Variants in RNF150 observed in about 807,000 individuals in gnomAD.
RNF150 encodes ring finger protein 150.
A neutral mutation model predicts 39.3 loss-of-function variants in RNF150; 24 were observed. The ratio of observed to expected loss-of-function variants is 0.61; its 90% confidence interval spans 0.44 to 0.86. The LOEUF (loss-of-function observed/expected upper bound fraction) is 0.86, where lower values mean the gene tolerates loss of function less well. RNF150 is among the 40% of genes least tolerant of loss of function. RNF150 has a pLI of 0.00. For missense variants in RNF150, 502 were observed against 587.8 expected (o/e 0.85, Z 1.51); for synonymous variants, 255 against 227.3 (o/e 1.12, Z -1.10).
At chr4:141,011,405 C>T (rs928544135) in intron 1 of RNF150, among the ~76,000 whole-genome samples, 5 of 152,170 alleles carry the variant, frequency 3.3e-5, no homozygotes, top group Non-Finnish European at 7.4e-5. Context: ...AGATTCTTCT[C>T]CTCAATAGTT....
intron 4 of RNF150, among the ~76,000 whole-genome samples, chr4:140,940,012 CT>C (rs1732021766): frequency 6.6e-6 from 1 of 152,158 alleles, no homozygotes; most frequent in Admixed American, 6.5e-5. Flanking sequence ...AGGCAGATCC[CT>C]CTTAACCATG....
chr4:141,028,680 CTG>C (rs1329807539), intron 1 of RNF150, among the ~76,000 whole-genome samples: 3 of 152,130 alleles, frequency 2.0e-5, no homozygotes, highest in African/African-American at 7.2e-5. Flanking sequence ...CAAGCAAGAA[CTG>C]TTGAGTATTT....
intron 1 of RNF150, among the ~76,000 whole-genome samples, chr4:141,103,161 T>G (rs544508883): frequency 1.3e-5 from 2 of 152,176 alleles, no homozygotes; most frequent in Non-Finnish European, 2.9e-5. Flanking sequence ...ACATGAGAGA[T>G]AAAGACTGCT....
chr4:140,893,188 T>A (rs899404283), intron 6 of RNF150, among the ~76,000 whole-genome samples: 7 of 151,814 alleles, frequency 4.6e-5, no homozygotes, highest in African/African-American at 1.4e-4. Flanking sequence ...CCTTATTTCA[T>A]TATTTAAATA....
chr4:141,106,717 C>G (rs1014497467), intron 1 of RNF150, among the ~76,000 whole-genome samples: 102 of 152,112 alleles, frequency 6.7e-4, no homozygotes, highest in African/African-American at 2.3e-3. Context: ...TTGCTTGAAC[C>G]CGGGAGGCGG....
intron 4 of RNF150, among the ~76,000 whole-genome samples, chr4:140,931,587 G>A (rs550830222): frequency 6.6e-6 from 1 of 152,254 alleles, no homozygotes; most frequent in East Asian, 1.9e-4. Context: ...TTTTTTATAG[G>A]ATTCACAGGA....
At chr4:140,968,001 G>T in intron 1 of RNF150, 128 bp from the exon 2 acceptor site, 1 of 786,308 alleles carries the variant, frequency 1.3e-6, no homozygotes, top group Non-Finnish European at 2.0e-6. Context: ...TCTGTGCTGG[G>T]CTAAGAAGAC....
intron 2 of RNF150, among the ~76,000 whole-genome samples, chr4:140,951,367 T>C (rs1348658053): frequency 6.6e-6 from 1 of 152,148 alleles, no homozygotes; most frequent in Non-Finnish European, 1.5e-5. Context: ...TATTTTGATC[T>C]CTTATTCTGT....
chr4:141,019,085 A>G, intron 1 of RNF150, among the ~76,000 whole-genome samples: 1 of 129,428 alleles, frequency 7.7e-6, no homozygotes, highest in African/African-American at 2.9e-5. Flanking sequence ...TATATATGGA[A>G]CTTTACACAA....
chr4:140,994,844 T>C (rs1238321795), intron 1 of RNF150, among the ~76,000 whole-genome samples: 1 of 152,114 alleles, frequency 6.6e-6, no homozygotes, highest in Non-Finnish European at 1.5e-5. Context: ...AATTTTTAAT[T>C]TTTATGGGTA....
chr4:141,208,603 G>A (rs539943998), intron 1 of RNF150, among the ~76,000 whole-genome samples: 1 of 152,256 alleles, frequency 6.6e-6, no homozygotes, highest in East Asian at 1.9e-4. Context: ...TTTTACAAAG[G>A]AATGGAAAGT....
chr4:141,044,771 G>GCACACACACACACACACACACA (rs71584391), intron 1 of RNF150, among the ~76,000 whole-genome samples: 148 of 146,638 alleles, frequency 1.0e-3, no homozygotes, highest in East Asian at 3.5e-3. Context: ...GGTGTGCAGC[G>GCACACACACACACACACACACA]CACACACACA....
chr4:141,076,707 T>A (rs1737909387), intron 1 of RNF150, among the ~76,000 whole-genome samples: 1 of 152,064 alleles, frequency 6.6e-6, no homozygotes, highest in African/African-American at 2.4e-5. Flanking sequence ...TAACCAGCCC[T>A]TTTGAGACCT....
chr4:141,105,228 T>C (rs542111588), intron 1 of RNF150, among the ~76,000 whole-genome samples: 1 of 152,290 alleles, frequency 6.6e-6, no homozygotes, highest in East Asian at 1.9e-4. Context: ...AAAGGCTTTT[T>C]CCAAATTGGC....
intron 6 of RNF150, among the ~76,000 whole-genome samples, chr4:140,891,816 C>T (rs574273948): frequency 2.6e-5 from 4 of 152,228 alleles, no homozygotes; most frequent in East Asian, 3.9e-4. Flanking sequence ...GCCTGAACTC[C>T]GCCTCCTGTC....
At chr4:140,953,618 C>G (rs548583041) in intron 2 of RNF150, among the ~76,000 whole-genome samples, 1 of 150,142 alleles carries the variant, frequency 6.7e-6, no homozygotes, top group South Asian at 2.1e-4. Context: ...TGCATGTAAA[C>G]AAGTATCAGT....
At chr4:141,125,348 G>C (rs1726721214) in intron 1 of RNF150, among the ~76,000 whole-genome samples, 1 of 151,976 alleles carries the variant, frequency 6.6e-6, no homozygotes, top group African/African-American at 2.4e-5. Flanking sequence ...TGTTTCTCTG[G>C]GTTTTATATT....
chr4:141,082,620 G>T (rs1475537360), intron 1 of RNF150, among the ~76,000 whole-genome samples: 1 of 151,382 alleles, frequency 6.6e-6, no homozygotes, highest in Non-Finnish European at 1.5e-5. Context: ...ACGGAGTCTC[G>T]CTCTGTCGCC....
At chr4:141,040,976 A>G (rs1397902470) in intron 1 of RNF150, among the ~76,000 whole-genome samples, 2 of 152,176 alleles carry the variant, frequency 1.3e-5, no homozygotes, top group Non-Finnish European at 2.9e-5. Flanking sequence ...TGCCTGGTTG[A>G]GAAAACTTTT....
Sources: allele counts gnomAD v4.1 joint callset (sites outside exome capture counted in the v4.1 genomes callset), GRCh38; gene constraint gnomAD v4.1.1; transcripts MANE v1.5; gene names NCBI Gene and HGNC (gene_info 2026-07-23, HGNC 2026-07-21).